LRP1B: variants seen among roughly 807,000 people sequenced by gnomAD.
The protein encoded by LRP1B is low-density lipoprotein receptor-related protein 1B.
LRP1B carries 217 observed loss-of-function variants against 556.6 expected under a neutral mutation model. The ratio of observed to expected loss-of-function variants is 0.39; its 90% CI spans 0.35 to 0.44. The LOEUF (loss-of-function observed/expected upper bound fraction) is 0.44. Ranked by LOEUF, LRP1B falls within the 20% of genes least tolerant of loss-of-function variation. LRP1B has a pLI of 1.00. For missense variants in LRP1B, 5,053 were observed against 5,620.8 expected (o/e 0.90, Z 3.23); for synonymous variants, 2,047 against 1,865.8 (o/e 1.10, Z -2.50).
At chr2:140,352,421 G>A (rs1048355589) in intron 76 of LRP1B, among the ~76,000 whole-genome samples, 3 of 152,026 alleles carry the variant, frequency 2.0e-5, no homozygotes, top group Non-Finnish European at 2.9e-5. Context: ...TGATCCACTC[G>A]CCTTGGCCTC....
intron 20 of LRP1B, among the ~76,000 whole-genome samples, chr2:140,931,658 G>A (rs546504767): frequency 6.6e-6 from 1 of 152,094 alleles, no homozygotes; most frequent in East Asian, 1.9e-4. Context: ...TCAATGTAGA[G>A]TTCTAAGTAT....
intron 2 of LRP1B, among the ~76,000 whole-genome samples, chr2:141,742,236 GT>G (rs71301751): frequency 2.8e-5 from 4 of 144,020 alleles, no homozygotes; most frequent in East Asian, 2.0e-4. Flanking sequence ...GATTCCTCCA[GT>G]TTTTTTTTTC....
chr2:140,783,236 C>T (rs1248917256), intron 32 of LRP1B, among the ~76,000 whole-genome samples: 1 of 151,880 alleles, frequency 6.6e-6, no homozygotes, highest in Non-Finnish European at 1.5e-5. Flanking sequence ...ATTTTTACTG[C>T]ACTATGCCAG....
In LRP1B at chr2:140,313,475, T is replaced by C. The variant is rs565097172; in HGVS notation, c.12805+1460A>G. Among the ~76,000 whole-genome samples, 17 of 152,046 alleles carry C rather than the reference T, an allele frequency of 1.1e-4. No homozygotes were observed. In the East Asian group the frequency reaches 3.1e-3, roughly 28 times the overall value. On this transcript the variant is annotated intron_variant, in intron 83 of 90. Transcript: ENST00000389484. ...GTTTTGTAGAGATTTATCCCTGAGATGCATTGCAGGTTCAATAGGCAGCAA... is the reference window on the plus strand; with the variant it reads ...GTTTTGTAGAGATTTATCCCTGAGACGCATTGCAGGTTCAATAGGCAGCAA...
intron 32 of LRP1B, among the ~76,000 whole-genome samples, chr2:140,784,539 A>T (rs1332131375): frequency 6.6e-6 from 1 of 151,858 alleles, no homozygotes; most frequent in East Asian, 1.9e-4. Flanking sequence ...GAAACACCAG[A>T]TAATTAAAGA....
chr2:141,031,278 CACAT>C (rs5834800), intron 11 of LRP1B, among the ~76,000 whole-genome samples: 64,936 of 133,892 alleles, frequency 0.48, 14,541 homozygotes, highest in Non-Finnish European at 0.5. Context: ...CACACACACA[CACAT>C]ACATACATAT....
intron 81 of LRP1B, among the ~76,000 whole-genome samples, chr2:140,323,418 G>C (rs988207618): frequency 2.6e-5 from 4 of 151,822 alleles, no homozygotes; most frequent in Non-Finnish European, 1.5e-5. Context: ...TTGATTAGTG[G>C]TAAGAGTCAA....
chr2:141,775,508 A>T (rs1426330821), intron 2 of LRP1B, among the ~76,000 whole-genome samples: 1 of 152,206 alleles, frequency 6.6e-6, no homozygotes, highest in Non-Finnish European at 1.5e-5. Context: ...AGTCATGATT[A>T]TATCTTTGTA....
intron 18 of LRP1B, among the ~76,000 whole-genome samples, chr2:140,958,608 G>C (rs1250911300): frequency 1.3e-5 from 2 of 151,520 alleles, no homozygotes; most frequent in African/African-American, 4.8e-5. Flanking sequence ...AGGATAGCAA[G>C]CAATATTTAA....
At chr2:140,909,927 C>A (rs961146487) in intron 21 of LRP1B, among the ~76,000 whole-genome samples, 2 of 150,602 alleles carry the variant, frequency 1.3e-5, no homozygotes, top group African/African-American at 4.8e-5. Flanking sequence ...ATCCAAAATT[C>A]TACAAAAAAT....
intron 1 of LRP1B, among the ~76,000 whole-genome samples, chr2:142,011,400 T>G (rs1175654895): frequency 2.0e-5 from 3 of 152,294 alleles, no homozygotes; most frequent in South Asian, 4.1e-4. Context: ...TTAATTTACA[T>G]GATGATACAA....
chr2:140,481,349 C>G (rs1402094738), intron 59 of LRP1B, among the ~76,000 whole-genome samples: 1 of 151,906 alleles, frequency 6.6e-6, no homozygotes, highest in East Asian at 1.9e-4. Context: ...AATCTGGGAC[C>G]AAAGCCTGAA....
intron 37 of LRP1B, among the ~76,000 whole-genome samples, chr2:140,714,635 A>G (rs983833695): frequency 6.6e-6 from 1 of 152,140 alleles, no homozygotes; most frequent in African/African-American, 2.4e-5. Flanking sequence ...CAAACTAAAC[A>G]TCCATTTCCA....
At chr2:141,022,882 T>C (rs1480168658) in intron 11 of LRP1B, among the ~76,000 whole-genome samples, 5 of 151,994 alleles carry the variant, frequency 3.3e-5, no homozygotes, top group Non-Finnish European at 2.9e-5. Flanking sequence ...TTATTATTAT[T>C]GCATAACTAA....
At chr2:140,619,851 T>C (rs1167456703) in intron 41 of LRP1B, among the ~76,000 whole-genome samples, 2 of 152,114 alleles carry the variant, frequency 1.3e-5, no homozygotes, top group African/African-American at 4.8e-5. Context: ...TTCATATAAG[T>C]AAAAATGAGA....
intron 3 of LRP1B, among the ~76,000 whole-genome samples, chr2:141,399,975 G>A (rs1690388923): frequency 1.3e-5 from 2 of 151,960 alleles, no homozygotes; most frequent in South Asian, 4.1e-4. Context: ...CTTTTTTGTT[G>A]TTTTGGTTTG....
chr2:141,722,530 C>A (rs1286502210), intron 2 of LRP1B, among the ~76,000 whole-genome samples: 1 of 152,020 alleles, frequency 6.6e-6, no homozygotes, highest in East Asian at 1.9e-4. Context: ...GGTGATCTTT[C>A]CTATTTTCTA....
intron 1 of LRP1B, among the ~76,000 whole-genome samples, chr2:142,113,571 AAAAC>A: frequency 6.6e-6 from 1 of 152,076 alleles, no homozygotes; most frequent in Non-Finnish European, 1.5e-5. Flanking sequence ...CAGAAATTTT[AAAAC>A]AAAAAGAACA....
chr2:141,942,134 G>C (rs767399163), intron 1 of LRP1B, among the ~76,000 whole-genome samples: 2 of 152,078 alleles, frequency 1.3e-5, no homozygotes, highest in South Asian at 2.1e-4. Flanking sequence ...AAAATTCTTC[G>C]GTTAAAATAT....
Sources: allele counts gnomAD v4.1 joint callset (sites outside exome capture counted in the v4.1 genomes callset), GRCh38; gene constraint gnomAD v4.1.1; transcripts MANE v1.5; gene names NCBI Gene and HGNC (gene_info 2026-07-23, HGNC 2026-07-21).